RANBP2: variants seen among roughly 807,000 people sequenced by gnomAD.
RANBP2 encodes RAN binding protein 2.
RANBP2 carries 57 observed loss-of-function variants against 303.6 expected under a neutral mutation model. That is an observed-to-expected ratio of 0.19 (90% CI 0.15 to 0.23). RANBP2 has a LOEUF of 0.23. Among genes scored for constraint, RANBP2 ranks in the 10% least tolerant of loss-of-function variants. RANBP2 has a pLI of 1.00. For synonymous variants in RANBP2, 1,167 were observed against 1,301.5 expected, an observed-to-expected ratio of 0.90 and a Z score of 2.23; for missense variants, 3,138 against 3,780.8, an observed-to-expected ratio of 0.83 and a Z score of 4.46.
chr2:109,392,679 C>T, the RANBP2 span, among the ~76,000 whole-genome samples: 15 of 152,028 alleles, frequency 9.9e-5, no homozygotes, highest in African/African-American at 3.1e-4. Context: ...CCACCACGCC[C>T]GGCTAATTTT....
the RANBP2 span, among the ~76,000 whole-genome samples, chr2:108,900,401 C>A: frequency 6.6e-6 from 1 of 151,842 alleles, no homozygotes; most frequent in Non-Finnish European, 1.5e-5. Context: ...ACTAAATATA[C>A]AAAATTAGCT....
the RANBP2 span, among the ~76,000 whole-genome samples, chr2:109,482,165 T>G: frequency 7.7e-4 from 118 of 152,308 alleles, no homozygotes; most frequent in African/African-American, 2.7e-3. Flanking sequence ...TTGTTCAGCA[T>G]CTCAGAGCCT....
At chr2:109,336,995 C>A in the RANBP2 span, among the ~76,000 whole-genome samples, 6 of 152,324 alleles carry the variant, frequency 3.9e-5, no homozygotes, top group Admixed American at 6.5e-5. Flanking sequence ...AATGCAATAT[C>A]TATGTGAAAT....
At chr2:108,853,632 T>C in the RANBP2 span, among the ~76,000 whole-genome samples, 1 of 150,278 alleles carries the variant, frequency 6.7e-6, no homozygotes, top group Non-Finnish European at 1.5e-5. Flanking sequence ...GCTCAAGCAG[T>C]CCTCTTGCCT....
At chr2:109,129,767 C>T in the RANBP2 span, 1 of 1,539,488 alleles carries the variant, frequency 6.5e-7, no homozygotes, top group Non-Finnish European at 8.7e-7. Flanking sequence ...TGCCAACACA[C>T]TTTCTGCCGC....
At chr2:108,947,444 G>A in the RANBP2 span, among the ~76,000 whole-genome samples, 29 of 152,272 alleles carry the variant, frequency 1.9e-4, no homozygotes, top group African/African-American at 7.0e-4. Context: ...TCTGTGTGGG[G>A]GCTCCAACTG....
chr2:109,309,235 T>C, the RANBP2 span, among the ~76,000 whole-genome samples: 394 of 144,000 alleles, frequency 2.7e-3, no homozygotes, highest in African/African-American at 0.01. Context: ...TGTCTGTTGT[T>C]GGTGTATAAG....
the RANBP2 span, among the ~76,000 whole-genome samples, chr2:109,140,249 C>T: frequency 6.6e-6 from 1 of 152,240 alleles, no homozygotes; most frequent in East Asian, 1.9e-4. Flanking sequence ...TTGGAGTTCT[C>T]TCTCTTCCTG....
chr2:109,419,747 C>G, the RANBP2 span: 1 of 1,094,860 alleles, frequency 9.1e-7, no homozygotes, highest in Non-Finnish European at 1.3e-6. Context: ...CCATGTGTTA[C>G]TAGTTGGCCA....
the RANBP2 span, among the ~76,000 whole-genome samples, chr2:109,136,875 C>G: frequency 6.6e-6 from 1 of 152,104 alleles, no homozygotes; most frequent in African/African-American, 2.4e-5. Flanking sequence ...CAGCCGGGCT[C>G]TCTGAGAGCA....
chr2:109,685,538 C>T, the RANBP2 span, among the ~76,000 whole-genome samples: 1 of 152,210 alleles, frequency 6.6e-6, no homozygotes, highest in East Asian at 1.9e-4. Context: ...ATCCTGTGCA[C>T]AGCATTCTGC....
At position 108,765,734 on chromosome 2, in the gene RANBP2, T is replaced by A; in HGVS notation, c.5195T>A (p.Val1732Glu). ...AAGGAAGGACAGTGGGATTGCAGTG[T>A]GTGCTTAGTAAGAAATGAAGCCAGT... is the stretch of plus-strand genomic sequence containing the variant. ...TKKEGQWDCS[V>E]CLVRNEASAT... The change falls in exon 20 of 29, where the codon GTG becomes GAG. Residue 1732 changes from valine to glutamate, a missense_variant. Transcript: ENST00000283195. 6 of 1,613,914 alleles carry A rather than the reference T, an allele frequency of 3.7e-6. No homozygotes were observed. Among genetic ancestry groups the A allele is most frequent in the Non-Finnish European group, 5.1e-6 (6 of 1,179,974 alleles).
chr2:108,740,073 G>T (rs1695953324), intron 6 of RANBP2, among the ~76,000 whole-genome samples: 1 of 152,116 alleles, frequency 6.6e-6, no homozygotes, highest in Admixed American at 6.6e-5. Context: ...GCAAATACCT[G>T]TCAGTTATTT....
At chr2:109,034,260 G>A in the RANBP2 span, among the ~76,000 whole-genome samples, 1 of 97,812 alleles carries the variant, frequency 1.0e-5, no homozygotes, top group Non-Finnish European at 1.8e-5. Context: ...GACACAGTGA[G>A]ACTCCATCTC....
At chr2:109,411,862 C>T in the RANBP2 span, among the ~76,000 whole-genome samples, 2 of 152,228 alleles carry the variant, frequency 1.3e-5, no homozygotes, top group Admixed American at 1.3e-4. Context: ...TGTTAAATCC[C>T]ACATATTTGC....
the RANBP2 span, among the ~76,000 whole-genome samples, chr2:109,251,164 G>T: frequency 2.0e-5 from 3 of 151,888 alleles, no homozygotes; most frequent in African/African-American, 7.3e-5. Context: ...CACCATGCCT[G>T]GCTAATTTTT....
chr2:109,084,624 T>C, the RANBP2 span, among the ~76,000 whole-genome samples: 4 of 152,056 alleles, frequency 2.6e-5, no homozygotes, highest in Admixed American at 2.0e-4. Context: ...ACAAGTGGAG[T>C]GACTCAGACT....
the RANBP2 span, among the ~76,000 whole-genome samples, chr2:108,944,153 A>G: frequency 0.32 from 48,682 of 152,046 alleles, 13,728 homozygotes; most frequent in East Asian, 0.94. Flanking sequence ...TCGCTCTGTC[A>G]GCCAGGCTGG....
chr2:108,930,907 A>C, the RANBP2 span: 6 of 1,578,578 alleles, frequency 3.8e-6, no homozygotes, highest in African/African-American at 8.1e-5. Context: ...GCCAAGAAAC[A>C]GTCCAACCAT....
Sources: allele counts gnomAD v4.1 joint callset (sites outside exome capture counted in the v4.1 genomes callset), GRCh38; gene constraint gnomAD v4.1.1; transcripts MANE v1.5; gene names NCBI Gene and HGNC (gene_info 2026-07-23, HGNC 2026-07-21).